Variants in ESPNL observed in about 807,000 individuals in gnomAD.
The protein encoded by ESPNL is espin-like protein.
In ESPNL, 49 loss-of-function variants were observed where a neutral mutation model predicts 46.8. That is an observed-to-expected ratio of 1.05 (90% CI 0.83 to 1.33). The LOEUF is 1.33. ESPNL is among the 40% of genes most tolerant of loss of function. The probability of loss-of-function intolerance (pLI) is 0.00; values close to 1 mark genes in which losing one functional copy is unlikely to be tolerated. For synonymous variants in ESPNL, 664 were observed against 662.1 expected (o/e 1.00, Z -0.04); for missense variants, 1,540 against 1,436.6 (o/e 1.07, Z -1.16).
At position 238,125,284 on chromosome 2, in the gene ESPNL, G is replaced by A; in HGVS notation, c.1002G>A (p.Met334Ile). ...TTCACCCACAGGTGCCCCTGCTGATGACGCCCCCACCACCACCGTTCCCCC... is the reference window on the plus strand; with the variant it reads ...TTCACCCACAGGTGCCCCTGCTGATAACGCCCCCACCACCACCGTTCCCCC... Reference protein sequence around the residue: ...REVAQPVPLLMTPPPPPFPPP... With the variant: ...REVAQPVPLLITPPPPPFPPP... The change falls in exon 6 of 9, where the codon ATG becomes ATA. Residue 334 changes from methionine (M) to isoleucine (I), a missense_variant. Met to Ile is a conservative substitution (Grantham distance 10, BLOSUM62 1). Coordinates refer to ENST00000343063, the MANE Select transcript of ESPNL (RefSeq NM_194312.4). The A allele has an allele frequency of 1.3e-6, 2 of 1,524,958 alleles. No homozygotes were observed. Among genetic ancestry groups the A allele is most frequent in the Non-Finnish European group, 1.8e-6 (2 of 1,134,588 alleles). The allele number at this position is 1,524,958 out of a possible 1,614,324, so 94.5% of individuals were successfully genotyped here.
intron 1 of ESPNL, 53 bp downstream of exon 1, chr2:238,100,766 G>T: frequency 7.3e-7 from 1 of 1,378,910 alleles, no homozygotes. Context: ...GGTGGAACCA[G>T]GGAGGTGTGA....
chr2:238,109,025 T>G (rs1691662195), intron 4 of ESPNL, among the ~76,000 whole-genome samples: 1 of 152,166 alleles, frequency 6.6e-6, no homozygotes, highest in African/African-American at 2.4e-5. Flanking sequence ...CACTCAGCTC[T>G]GCACAACCCA....
intron 5 of ESPNL, among the ~76,000 whole-genome samples, chr2:238,117,605 T>A (rs896618528): frequency 6.6e-6 from 1 of 152,232 alleles, no homozygotes; most frequent in African/African-American, 2.4e-5. Context: ...CAGCCCTGGC[T>A]CTCGTCTCTC....
chr2:238,125,505 CCTCCCTCCCCAGTTG>C (rs1040563225), intron 6 of ESPNL, 121 bp downstream of exon 6: 1 of 486,944 alleles, frequency 2.1e-6, no homozygotes, highest in African/African-American at 2.0e-5. Context: ...ACCCCATCAC[CCTCCCTCCCCAGTTG>C]CTTCCAGGTT....
intron 3 of ESPNL, among the ~76,000 whole-genome samples, chr2:238,107,004 G>A (rs548222765): frequency 4.5e-4 from 68 of 152,304 alleles, no homozygotes; most frequent in African/African-American, 1.5e-3. Context: ...TGCTGTTCTC[G>A]TGGCCTCCCC....
In ESPNL at chr2:238,104,847, GT is replaced by G; in HGVS notation, c.672+6del. The G allele has an allele frequency of 6.7e-7, 1 of 1,487,820 alleles. No individual in the cohort carries two copies. The allele number at this position is 1,487,820 out of a possible 1,614,324, so 92.2% of individuals were successfully genotyped here. A position where few individuals can be genotyped will look rare whatever the true frequency, so the allele number is the denominator to read the frequency against. On this transcript the variant is annotated splice_donor_region_variant and intron_variant, in intron 3 of 8. Transcript: ENST00000343063. ...TACTCCCTCGTCGTCTGGCTGGTAA[GT>G]GGGTGCCAGAGGTGGGAAGGGGACA...
chr2:238,121,178 C>G (rs1691979841), intron 5 of ESPNL, among the ~76,000 whole-genome samples: 1 of 152,184 alleles, frequency 6.6e-6, no homozygotes, highest in Admixed American at 6.5e-5. Context: ...CAGGGGCTGC[C>G]CTCGAGGCAG....
chr2:238,116,106 G>T, intron 4 of ESPNL, among the ~76,000 whole-genome samples: 1 of 152,340 alleles, frequency 6.6e-6, no homozygotes, highest in South Asian at 2.1e-4. Flanking sequence ...ACTCGAGTTC[G>T]TTTTTGTGTT....
chr2:238,116,330 G>C (rs578097890), intron 4 of ESPNL, among the ~76,000 whole-genome samples: 2 of 152,284 alleles, frequency 1.3e-5, no homozygotes, highest in East Asian at 3.9e-4. Context: ...AGACAGGAGG[G>C]TCCTGGCCCC....
In ESPNL at chr2:238,131,391, G is replaced by T. The variant is rs749808035; in HGVS notation, c.2677G>T (p.Gly893Cys). 2.5e-6 allele frequency: 4 copies of T among 1,605,778 alleles called. No individual in the cohort carries two copies. The highest frequency in any genetic ancestry group is 2.7e-5 in the African/African-American group (2 of 74,946). The change falls in exon 9 of 9, where the codon GGC (glycine) becomes TGC (cysteine). Residue 893 changes from glycine (G) to cysteine (C), a missense_variant. Gly to Cys is a radical substitution (Grantham distance 159). Coordinates refer to ENST00000343063, the MANE Select transcript of ESPNL (RefSeq NM_194312.4). ...FEVFEHLGTH[G>C]WEAVRAFHKA... ...GGTCTTCGAGCACCTGGGCACCCAC[G>T]GCTGGGAGGCTGTGCGCGCCTTCCA...
At chr2:238,117,237 G>C (rs912707816) in intron 5 of ESPNL, among the ~76,000 whole-genome samples, 11 of 152,202 alleles carry the variant, frequency 7.2e-5, no homozygotes, top group African/African-American at 2.4e-4. Context: ...GCTGTAACAG[G>C]AGCTGTGACA....
chr2:238,103,114 T>A (rs561738068), intron 2 of ESPNL, among the ~76,000 whole-genome samples: 282 of 152,306 alleles, frequency 1.9e-3, no homozygotes, highest in African/African-American at 6.4e-3. Flanking sequence ...TTAAAGAAGT[T>A]TCCACCATTG....
intron 4 of ESPNL, among the ~76,000 whole-genome samples, chr2:238,111,157 C>A (rs1691710347): frequency 6.6e-6 from 1 of 151,906 alleles, no homozygotes. Context: ...GAATTCCTGA[C>A]CTCAAATGAT....
intron 8 of ESPNL, chr2:238,129,217 G>A: frequency 7.8e-7 from 1 of 1,286,570 alleles, no homozygotes; most frequent in Non-Finnish European, 9.9e-7. Context: ...AGGGAAGACG[G>A]TGGCCCATGG....
In ESPNL at chr2:238,130,833, G is replaced by T; in HGVS notation, c.2119G>T (p.Asp707Tyr). The change falls in exon 9 of 9, where the codon GAC becomes TAC. Residue 707 changes from aspartate to tyrosine, a missense_variant. Transcript: ENST00000343063. ...GLASGEPRPGDTEEASDSGIS... is the reference protein window; with the variant it reads ...GLASGEPRPGYTEEASDSGIS... ...GGCTTCAGGGGAGCCCAGGCCTGGC[G>T]ACACAGAGGAGGCCAGCGACTCTGG... 6.5e-7 allele frequency: 1 copy of T among 1,548,350 alleles called. No homozygotes were observed.
intron 6 of ESPNL, 101 bp downstream of exon 6, chr2:238,125,485 G>A: frequency 1.7e-6 from 1 of 582,446 alleles, no homozygotes; most frequent in South Asian, 3.3e-5. Flanking sequence ...AAGTCTGCGG[G>A]CAGCCGGGCA....
chr2:238,101,822 C>T, intron 1 of ESPNL, 119 bp from the exon 2 acceptor site: 1 of 699,988 alleles, frequency 1.4e-6, no homozygotes, highest in Non-Finnish European at 2.4e-6. Context: ...GAGGAAGGAG[C>T]TGGAAGCCCC....
intron 4 of ESPNL, among the ~76,000 whole-genome samples, chr2:238,108,965 C>G (rs1484193677): frequency 1.3e-5 from 2 of 152,162 alleles, no homozygotes; most frequent in Admixed American, 6.5e-5. Context: ...CTGAAAGCAT[C>G]TTTCTCTGAG....
intron 7 of ESPNL, among the ~76,000 whole-genome samples, chr2:238,128,440 G>A (rs1404988536): frequency 1.3e-5 from 2 of 152,186 alleles, no homozygotes; most frequent in Non-Finnish European, 1.5e-5. Context: ...ACAGGGGACG[G>A]GGAGGGACCT....
Sources: gnomAD v4.1 joint callset for allele counts (sites outside exome capture counted in the v4.1 genomes callset) on GRCh38, gnomAD v4.1.1 for gene constraint, MANE v1.5 for transcripts, NCBI Gene and HGNC (gene_info 2026-07-23, HGNC 2026-07-21) for gene names.